Variants in FREM2 observed in about 807,000 individuals in gnomAD.
FREM2 encodes the protein FRAS1-related extracellular matrix protein 2.
In FREM2, 119 loss-of-function variants were observed where a neutral mutation model predicts 219.9. That is an observed-to-expected ratio of 0.54 (90% confidence interval 0.47 to 0.63). FREM2 has a LOEUF of 0.63. FREM2 is among the 30% of genes least tolerant of loss of function. The probability of loss-of-function intolerance (pLI) is 0.00; values close to 1 mark genes in which losing one functional copy is unlikely to be tolerated. For missense variants in FREM2, 4,030 were observed against 3,993.6 expected, an observed-to-expected ratio of 1.01 and a Z score of -0.25; for synonymous variants, 1,562 against 1,522.8, an observed-to-expected ratio of 1.03 and a Z score of -0.60.
intron 6 of FREM2, among the ~76,000 whole-genome samples, chr13:38,786,620 A>G (rs2137833801): frequency 6.6e-6 from 1 of 152,350 alleles, no homozygotes; most frequent in South Asian, 2.1e-4. Context: ...GGTAGAAAGA[A>G]GTAGGTTTAA....
At chr13:38,839,562 A>G (rs2137897852) in intron 6 of FREM2, among the ~76,000 whole-genome samples, 1 of 152,286 alleles carries the variant, frequency 6.6e-6, no homozygotes, top group East Asian at 1.9e-4. Context: ...CTGTGCCCAC[A>G]GTCGCCCCTT....
chr13:38,817,915 CA>C (rs1197595578), intron 6 of FREM2, among the ~76,000 whole-genome samples: 1 of 151,852 alleles, frequency 6.6e-6, no homozygotes, highest in Non-Finnish European at 1.5e-5. Flanking sequence ...ATAAGACATA[CA>C]AATGACAAAC....
chr13:38,822,195 CT>C (rs1252299744), intron 6 of FREM2: 3 of 151,978 alleles, frequency 2.0e-5, no homozygotes, highest in Non-Finnish European at 4.4e-5. Flanking sequence ...AAAAAAATAG[CT>C]TTCTTTTTAC....
chr13:38,712,914 C>G (rs1026486962), intron 2 of FREM2, among the ~76,000 whole-genome samples: 3 of 152,190 alleles, frequency 2.0e-5, no homozygotes, highest in African/African-American at 7.2e-5. Flanking sequence ...GTGCCTGTAT[C>G]AGATGTGATT....
chr13:38,875,904 C>A, intron 18 of FREM2, 118 bp from the exon 19 acceptor site: 1 of 991,586 alleles, frequency 1.0e-6, no homozygotes, highest in Non-Finnish European at 1.6e-6. Flanking sequence ...GCTTTGCAGC[C>A]TTCTTATAAA....
At chr13:38,744,112 G>A (rs1872362994) in intron 2 of FREM2, among the ~76,000 whole-genome samples, 1 of 150,950 alleles carries the variant, frequency 6.6e-6, no homozygotes, top group Admixed American at 6.6e-5. Flanking sequence ...AAAAGTGTCA[G>A]CTAAGAAGAT....
intron 11 of FREM2, among the ~76,000 whole-genome samples, chr13:38,854,644 A>C (rs897624588): frequency 6.6e-6 from 1 of 152,226 alleles, no homozygotes; most frequent in Non-Finnish European, 1.5e-5. Flanking sequence ...AAGAACTGTA[A>C]GTTCTCTCAG....
Position 38,864,291 on chromosome 13 carries a change from C to A in FREM2, c.7668C>A (p.Ile2556=), listed in dbSNP as rs745836128. Residue 2556 remains isoleucine (I), a synonymous_variant, in exon 16 of 24, where the codon ATC becomes ATA. Transcript: ENST00000280481. Reference sequence around the variant, plus strand: ...TTATCATAGGCATGCTCCCCGTGATCTCCACTAGAGAGCTTTCCAACTTTG... The same window carrying A: ...TTATCATAGGCATGCTCCCCGTGATATCCACTAGAGAGCTTTCCAACTTTG... ...MPHIDGMLPV[I]STRELSNFEL... 3.1e-6 allele frequency: 5 copies of A among 1,613,846 alleles called. No homozygotes were observed. In the South Asian group the frequency reaches 4.4e-5, roughly 14 times the overall value.
chr13:38,784,790 G>C lies in FREM2; in HGVS notation c.6001G>C (p.Val2001Leu), dbSNP rs557171253. ...GTTCCCAGGGGCTCAAGTTACAATCGTTCCTGACAAAGATGATGGTGAGTA... is the reference window on the plus strand; with the variant it reads ...GTTCCCAGGGGCTCAAGTTACAATCCTTCCTGACAAAGATGATGGTGAGTA... ...SEFPGAQVTI[V>L]PDKDDEPIFY... is the part of the protein sequence containing the mutation. The change falls in exon 6 of 24, where the codon GTT (valine) becomes CTT (leucine). Residue 2001 changes from valine to leucine, a missense_variant. Val to Leu is a conservative substitution (Grantham distance 32, BLOSUM62 1). Coordinates refer to ENST00000280481, the MANE Select transcript of FREM2 (RefSeq NM_207361.6). 2 of 1,613,998 alleles carry C rather than the reference G, an allele frequency of 1.2e-6. No individual in the cohort carries two copies. The highest frequency in any genetic ancestry group is 3.3e-5 in the Admixed American group (2 of 60,002).
chr13:38,824,907 A>G (rs532963571), intron 6 of FREM2, among the ~76,000 whole-genome samples: 6 of 152,010 alleles, frequency 3.9e-5, no homozygotes, highest in Non-Finnish European at 7.4e-5. Flanking sequence ...CATTTAAACT[A>G]TAAACTAAAT....
intron 6 of FREM2, among the ~76,000 whole-genome samples, chr13:38,838,262 T>G (rs1876800124): frequency 6.6e-6 from 1 of 152,188 alleles, no homozygotes; most frequent in Admixed American, 6.5e-5. Context: ...GAAAATTCTT[T>G]TCTTTAAGAA....
intron 2 of FREM2, among the ~76,000 whole-genome samples, chr13:38,730,846 T>A (rs1871736747): frequency 6.6e-6 from 1 of 152,104 alleles, no homozygotes; most frequent in Non-Finnish European, 1.5e-5. Flanking sequence ...ACATTATTAT[T>A]CTTTAAGTTT....
chr13:38,772,704 T>C (rs1873713541), intron 4 of FREM2, among the ~76,000 whole-genome samples: 2 of 133,882 alleles, frequency 1.5e-5, no homozygotes, highest in Non-Finnish European at 1.5e-5. Context: ...TCTCTCTCTT[T>C]TTTTTTTTTT....
intron 2 of FREM2, among the ~76,000 whole-genome samples, chr13:38,761,091 A>C (rs1443346215): frequency 6.6e-6 from 1 of 152,160 alleles, no homozygotes; most frequent in Non-Finnish European, 1.5e-5. Context: ...AATTTAGAGG[A>C]ATAGGGATTC....
At chr13:38,783,895 G>A (rs1053270562) in intron 5 of FREM2, among the ~76,000 whole-genome samples, 5 of 152,210 alleles carry the variant, frequency 3.3e-5, no homozygotes, top group African/African-American at 9.6e-5. Flanking sequence ...AGGAGTTCAC[G>A]ACCAGTCTGA....
chr13:38,743,341 GT>G (rs1291329471), intron 2 of FREM2, among the ~76,000 whole-genome samples: 1 of 151,270 alleles, frequency 6.6e-6, no homozygotes, highest in East Asian at 1.9e-4. Context: ...ATATATATAT[GT>G]ATAGTATGTG....
At chr13:38,853,809 T>C (rs1479636881) in intron 11 of FREM2, among the ~76,000 whole-genome samples, 1 of 152,208 alleles carries the variant, frequency 6.6e-6, no homozygotes, top group Non-Finnish European at 1.5e-5. Flanking sequence ...TAAATGTCTT[T>C]CTATAATGAG....
Position 38,878,146 on chromosome 13 carries a change from A to T in FREM2, c.8684A>T (p.Tyr2895Phe). 1.2e-6 allele frequency: 2 copies of T among 1,613,198 alleles called. No homozygotes were observed. Among genetic ancestry groups the T allele is most frequent in the Non-Finnish European group, 1.7e-6 (2 of 1,179,234 alleles). ...DVAFAEGDIIYGRVMVDPVQN... is the reference protein window; with the variant it reads ...DVAFAEGDIIFGRVMVDPVQN... ...ATCTCTATTTCAGGTGATATAATTTATGGTCGTGTCATGGTGGATCCTGTC... is the reference window on the plus strand; with the variant it reads ...ATCTCTATTTCAGGTGATATAATTTTTGGTCGTGTCATGGTGGATCCTGTC... The change falls in exon 22 of 24, where the codon TAT becomes TTT. Residue 2895 changes from tyrosine to phenylalanine, a missense_variant. By Grantham distance (22) the Tyr-to-Phe change is conservative. This residue lies in a region of FREM2 where 928 missense variants were observed against 1,042.9 expected (regional missense o/e 0.89). Coordinates refer to ENST00000280481, the MANE Select transcript of FREM2 (RefSeq NM_207361.6).
intron 4 of FREM2, among the ~76,000 whole-genome samples, chr13:38,770,808 C>T (rs967468117): frequency 7.2e-5 from 11 of 151,820 alleles, no homozygotes; most frequent in Admixed American, 5.9e-4. Flanking sequence ...CTTTTTATTC[C>T]CCGTCATACT....
Sources: gnomAD v4.1 joint callset for allele counts (sites outside exome capture counted in the v4.1 genomes callset) on GRCh38, gnomAD v4.1.1 for gene constraint, gnomAD v4.1.1 regional missense constraint, MANE v1.5 for transcripts, NCBI Gene and HGNC (gene_info 2026-07-23, HGNC 2026-07-21) for gene names.